Variants in SHC4 observed in about 807,000 individuals in gnomAD.
SHC4 encodes SHC adaptor protein 4.
A neutral mutation model predicts 69.4 loss-of-function variants in SHC4; 41 were observed. The observed-to-expected ratio is 0.59, with a 90% CI of 0.46 to 0.77. The LOEUF is 0.77. Among genes scored for constraint, SHC4 ranks in the 30% least tolerant of loss-of-function variants. The pLI, the probability that SHC4 is intolerant of heterozygous loss-of-function variation, is 0.00. For missense variants in SHC4, 777 were observed against 783.8 expected (o/e 0.99, Z 0.10); for synonymous variants, 318 against 299.3 (o/e 1.06, Z -0.64).
Position 48,834,965 on chromosome 15 carries a change from A to G in SHC4, c.1541T>C (p.Leu514Ser). 1.9e-6 allele frequency: 3 copies of G among 1,613,376 alleles called. No individual in the cohort carries two copies. Among genetic ancestry groups the G allele is most frequent in the Non-Finnish European group, 2.5e-6 (3 of 1,179,616 alleles). The part of the protein sequence containing the change: ...ATAQPASSHS[L>S]PHIKQQLWSE... Reference sequence around the variant, plus strand: ...CCACAGCTGCTGCTTAATGTGTGGCAAAGAATGTGAGCTGGCAGGCTGGGC... The same window carrying G: ...CCACAGCTGCTGCTTAATGTGTGGCGAAGAATGTGAGCTGGCAGGCTGGGC... The change falls in exon 11 of 12, where the codon TTG becomes TCG. Residue 514 changes from leucine to serine, a missense_variant. Coordinates refer to ENST00000332408, the MANE Select transcript of SHC4 (RefSeq NM_203349.4).
intron 8 of SHC4, among the ~76,000 whole-genome samples, chr15:48,851,779 G>A (rs980464236): frequency 1.3e-5 from 2 of 152,176 alleles, no homozygotes; most frequent in Non-Finnish European, 2.9e-5. Context: ...CCTTTGAGAT[G>A]AACAGTGTCT....
chr15:48,845,569 A>G (rs1446810782), intron 9 of SHC4, among the ~76,000 whole-genome samples: 1 of 152,238 alleles, frequency 6.6e-6, no homozygotes, highest in African/African-American at 2.4e-5. Context: ...TACTGCAAAG[A>G]AATGAAGGAT....
chr15:48,842,901 A>G (rs1899018979), intron 10 of SHC4, among the ~76,000 whole-genome samples: 3 of 152,154 alleles, frequency 2.0e-5, no homozygotes, highest in Admixed American at 1.3e-4. Flanking sequence ...ACTGTACCCC[A>G]GCCTGGGTGA....
At chr15:48,901,746 C>T (rs1174455139) in intron 2 of SHC4, among the ~76,000 whole-genome samples, 1 of 152,240 alleles carries the variant, frequency 6.6e-6, no homozygotes, top group Non-Finnish European at 1.5e-5. Context: ...CAAAATCTAG[C>T]TGTCTCTTAC....
chr15:48,826,798 T>C (rs913438832), intron 11 of SHC4, among the ~76,000 whole-genome samples: 3 of 152,190 alleles, frequency 2.0e-5, no homozygotes, highest in Admixed American at 1.3e-4. Context: ...GAAGCAGGCC[T>C]TTCTGGAGAA....
intron 6 of SHC4, among the ~76,000 whole-genome samples, chr15:48,863,980 G>A (rs368351798): frequency 6.6e-6 from 1 of 152,146 alleles, no homozygotes; most frequent in African/African-American, 2.4e-5. Flanking sequence ...GATGAAATGA[G>A]ATAATGCAGA....
rs941262627 is a variant in SHC4, at chr15:48,857,893, A to G, written c.947-78T>C. The G allele has an allele frequency of 4.1e-6, 5 of 1,214,888 alleles. No homozygotes were observed. In the Admixed American group the frequency reaches 1.2e-4, roughly 30 times the overall value. The allele number at this position is 1,214,888 out of a possible 1,614,324, so 75.3% of individuals were successfully genotyped here. On this transcript the variant is annotated intron_variant, in intron 6 of 11. Transcript: ENST00000332408. ...GATTACATAAAATCAGAGTACTTCAAAACCATGAACTGATAATTGAATAAA... is the reference window on the plus strand; with the variant it reads ...GATTACATAAAATCAGAGTACTTCAGAACCATGAACTGATAATTGAATAAA...
At chr15:48,954,666 A>G (rs147832129) in intron 1 of SHC4, among the ~76,000 whole-genome samples, 235 of 152,354 alleles carry the variant, frequency 1.5e-3, no homozygotes, top group African/African-American at 5.4e-3. Flanking sequence ...GGCAAGACTT[A>G]GGGAAGAAAG....
chr15:48,908,058 T>C (rs1900442003), intron 2 of SHC4, among the ~76,000 whole-genome samples: 1 of 152,154 alleles, frequency 6.6e-6, no homozygotes, highest in Non-Finnish European at 1.5e-5. Context: ...AGACCACCAG[T>C]AGATACCCAG....
chr15:48,932,764 C>A (rs1416684691), intron 1 of SHC4, among the ~76,000 whole-genome samples: 1 of 152,108 alleles, frequency 6.6e-6, no homozygotes, highest in Admixed American at 6.6e-5. Context: ...TCTAGCAGAC[C>A]TTTAATAAAA....
At chr15:48,886,274 T>A (rs1013563611) in intron 3 of SHC4, among the ~76,000 whole-genome samples, 15 of 151,844 alleles carry the variant, frequency 9.9e-5, no homozygotes, top group East Asian at 7.7e-4. Context: ...ATATATATAT[T>A]ATTATGAAAT....
At chr15:48,905,992 T>C (rs1900398935) in intron 2 of SHC4, among the ~76,000 whole-genome samples, 1 of 152,200 alleles carries the variant, frequency 6.6e-6, no homozygotes. Flanking sequence ...ATGCTATAAT[T>C]GGGAGTTTCA....
At chr15:48,941,620 G>A (rs1373360979) in intron 1 of SHC4, among the ~76,000 whole-genome samples, 2 of 152,170 alleles carry the variant, frequency 1.3e-5, no homozygotes, top group Non-Finnish European at 2.9e-5. Flanking sequence ...CCCATGAAAT[G>A]TGAAAGACCT....
chr15:48,936,283 C>T (rs1177852115), intron 1 of SHC4, among the ~76,000 whole-genome samples: 1 of 152,168 alleles, frequency 6.6e-6, no homozygotes, highest in Non-Finnish European at 1.5e-5. Flanking sequence ...AATTTCAACC[C>T]TGTAAGTCAT....
intron 4 of SHC4, among the ~76,000 whole-genome samples, chr15:48,882,529 G>A (rs1414187129): frequency 6.6e-6 from 1 of 152,180 alleles, no homozygotes; most frequent in Non-Finnish European, 1.5e-5. Context: ...GAAGGGTACT[G>A]AAGGGGAAAG....
Position 48,825,774 on chromosome 15 carries a change from C to G in SHC4, c.*197G>C, listed in dbSNP as rs1488249205. 6 of 601,548 alleles carry G rather than the reference C, an allele frequency of 1.0e-5. No individual in the cohort carries two copies. The highest frequency in any genetic ancestry group is 9.2e-5 in the East Asian group (3 of 32,644). The allele number at this position is 601,548 out of a possible 1,614,324, so 37.3% of individuals were successfully genotyped here. A position where few individuals can be genotyped will look rare whatever the true frequency, so the allele number is the denominator to read the frequency against. On this transcript the variant is annotated 3_prime_UTR_variant, in exon 12 of 12. Transcript: ENST00000332408. ...TTTTAAAATGACCAACCCTCTTCCTCTTTTCTGATTTTCATTTCTGAAGAC... is the reference window on the plus strand; with the variant it reads ...TTTTAAAATGACCAACCCTCTTCCTGTTTTCTGATTTTCATTTCTGAAGAC...
At chr15:48,887,237 G>A (rs1242104789) in intron 3 of SHC4, among the ~76,000 whole-genome samples, 3 of 152,110 alleles carry the variant, frequency 2.0e-5, no homozygotes, top group African/African-American at 4.8e-5. Flanking sequence ...GTCCTAAATC[G>A]TTTTTGGCTC....
chr15:48,861,230 C>T (rs1250982390), intron 6 of SHC4, among the ~76,000 whole-genome samples: 1 of 152,184 alleles, frequency 6.6e-6, no homozygotes, highest in African/African-American at 2.4e-5. Context: ...TCCCAAGTAG[C>T]TGGGACTACA....
chr15:48,927,183 A>G (rs1900869178), intron 1 of SHC4, among the ~76,000 whole-genome samples: 1 of 152,248 alleles, frequency 6.6e-6, no homozygotes, highest in South Asian at 2.1e-4. Context: ...TCCAGGTGGC[A>G]TGAAAAGATT....
Sources: allele counts gnomAD v4.1 joint callset (sites outside exome capture counted in the v4.1 genomes callset), GRCh38; gene constraint gnomAD v4.1.1; transcripts MANE v1.5; gene names NCBI Gene and HGNC (gene_info 2026-07-23, HGNC 2026-07-21).